The following PEX1 variants were observed in gnomAD, a reference collection of about 807,000 sequenced individuals.
The protein encoded by PEX1 is peroxisomal ATPase PEX1.
A neutral mutation model predicts 152.5 loss-of-function variants in PEX1; 97 were observed. That is an observed-to-expected ratio of 0.64 (90% confidence interval 0.54 to 0.75). PEX1 has a LOEUF of 0.75. PEX1 is among the 30% of genes least tolerant of loss of function. The pLI is 0.00. For synonymous variants in PEX1, 485 were observed against 531.6 expected (o/e 0.91, Z 1.21); for missense variants, 1,357 against 1,516.3 (o/e 0.89, Z 1.74).
Position 92,517,457 on chromosome 7 carries a change from A to G in PEX1, c.1058T>C (p.Leu353Ser). 6.2e-7 allele frequency: 1 copy of G among 1,613,950 alleles called. No individual in the cohort carries two copies. The change falls in exon 5 of 24, where the codon TTA (leucine) becomes TCA (serine). Residue 353 changes from leucine (L) to serine (S), a missense_variant. Physicochemically the swap from Leu to Ser is moderately radical, Grantham distance 145 (BLOSUM62 -2). Transcript: ENST00000248633. ...QQQSKTKQNV[L>S]SPEKEKQMSE... ...CATCTGCTTCTCTTTTTCAGGTGAT[A>G]ACACATTTTGTTTTGTTTTACTTTG...
In PEX1 at chr7:92,517,466, T is replaced by A; in HGVS notation, c.1049A>T (p.Gln350Leu). Residue 350 changes from glutamine to leucine, a missense_variant, in exon 5 of 24, where the codon CAA becomes CTA. By Grantham distance (113) the Gln-to-Leu change is moderately radical. Transcript: ENST00000248633. ...SPKQQQSKTKQNVLSPEKEKQ... is the reference protein window; with the variant it reads ...SPKQQQSKTKLNVLSPEKEKQ... ...CTCTTTTTCAGGTGATAACACATTT[T>A]GTTTTGTTTTACTTTGCTGTTGCTT... 6.2e-7 allele frequency: 1 copy of A among 1,614,066 alleles called. No individual in the cohort carries two copies. Among genetic ancestry groups the A allele is most frequent in the Non-Finnish European group, 8.5e-7 (1 of 1,180,020 alleles).
intron 20 of PEX1, 36 bp downstream of exon 20, chr7:92,492,917 C>T (rs752838837): frequency 6.6e-6 from 10 of 1,513,668 alleles, no homozygotes; most frequent in Non-Finnish European, 9.2e-6. Context: ...TTTTATCACT[C>T]ATAAAATGTC....
At chr7:92,516,055 AAAAAGAAAAGAAAAGAAAAGAAAAG>A (rs58641640) in intron 5 of PEX1, among the ~76,000 whole-genome samples, 13 of 85,750 alleles carry the variant, frequency 1.5e-4, no homozygotes, top group African/African-American at 4.5e-4. Flanking sequence ...AGAGAAGAGA[AAAAAGAAAAGAAAAGAAAAGAAAAG>A]AAAAGAAAAG....
At chr7:92,498,892 C>G (rs1396503268) in intron 16 of PEX1, among the ~76,000 whole-genome samples, 1 of 152,176 alleles carries the variant, frequency 6.6e-6, no homozygotes, top group Non-Finnish European at 1.5e-5. Flanking sequence ...ATGGTTTGCC[C>G]TTTTATCTGA....
intron 3 of PEX1, 28 bp downstream of exon 3, chr7:92,518,967 G>C (rs375379771): frequency 6.9e-7 from 1 of 1,456,194 alleles, no homozygotes; most frequent in Non-Finnish European, 9.6e-7. Flanking sequence ...AACCTTAAAT[G>C]AGATAGTTCT....
intron 16 of PEX1, among the ~76,000 whole-genome samples, chr7:92,499,173 T>A (rs560058021): frequency 5.6e-4 from 86 of 152,280 alleles, no homozygotes; most frequent in African/African-American, 2.0e-3. Flanking sequence ...CTTTGAAAAG[T>A]TAGAGAATTA....
At chr7:92,518,681 T>A (rs911820043) in intron 3 of PEX1, among the ~76,000 whole-genome samples, 1 of 152,224 alleles carries the variant, frequency 6.6e-6, no homozygotes, top group Non-Finnish European at 1.5e-5. Flanking sequence ...GCGATTCTCC[T>A]GCCTCAGCCT....
chr7:92,513,080 C>T (rs370525142), intron 6 of PEX1, among the ~76,000 whole-genome samples: 8 of 152,100 alleles, frequency 5.3e-5, no homozygotes, highest in African/African-American at 1.4e-4. Context: ...ATTACAACCA[C>T]GTGGCAAAAT....
chr7:92,517,976 T>G lies in PEX1; in HGVS notation c.539A>C (p.Lys180Thr), dbSNP rs1288945372. 2 of 1,613,406 alleles carry G rather than the reference T, an allele frequency of 1.2e-6. No individual in the cohort carries two copies. The highest frequency in any genetic ancestry group is 2.2e-5 in the South Asian group (2 of 90,912). ...TGTATTCTCTTTGGCTCGGCGTGTC[T>G]TTGGCTGAATAAGGAGTTTGGTGTC... ...ETDTKLLIQP[K>T]TRRAKENTFS... Residue 180 changes from lysine to threonine, a missense_variant, in exon 5 of 24, where the codon AAG (lysine) becomes ACG (threonine). By Grantham distance (78) the Lys-to-Thr change is moderately conservative (BLOSUM62 -1). Transcript: ENST00000248633.
At position 92,507,026 on chromosome 7, in the gene PEX1, T is replaced by C. The variant is rs1257562540; in HGVS notation, c.1771A>G (p.Arg591Gly). ...CCTGTGAGTAAAAGAGCTCCATTCC[T>C]AAGTCCTGCAACAAGAGACATCAGC... is the stretch of plus-strand genomic sequence containing the variant. Reference protein sequence around the residue: ...RQLMSLVAGLRNGALLLTGGK... With the variant: ...RQLMSLVAGLGNGALLLTGGK... The change falls in exon 10 of 24, where the codon AGG becomes GGG. Residue 591 changes from arginine to glycine, a missense_variant. Coordinates refer to ENST00000248633, the MANE Select transcript of PEX1 (RefSeq NM_000466.3). 3 of 1,613,984 alleles carry C rather than the reference T, an allele frequency of 1.9e-6. No homozygotes were observed. The highest frequency in any genetic ancestry group is 1.7e-6 in the Non-Finnish European group (2 of 1,179,990).
chr7:92,518,391 G>T, intron 3 of PEX1, 136 bp from the exon 4 acceptor site: 1 of 674,340 alleles, frequency 1.5e-6, no homozygotes, highest in Non-Finnish European at 2.7e-6. Context: ...GGTGTTATGA[G>T]CTACATATAG....
chr7:92,518,921 G>A, intron 3 of PEX1, 74 bp downstream of exon 3: 1 of 1,075,890 alleles, frequency 9.3e-7, no homozygotes, highest in South Asian at 1.3e-5. Flanking sequence ...ATAAAGCTTA[G>A]AGAAAGCTAA....
intron 2 of PEX1, among the ~76,000 whole-genome samples, chr7:92,519,573 A>G (rs984807998): frequency 1.3e-5 from 2 of 152,358 alleles, no homozygotes; most frequent in Admixed American, 1.3e-4. Flanking sequence ...AGTAAAAAAT[A>G]TAAGAAGAAA....
chr7:92,498,082 A>C (rs993008424), intron 16 of PEX1, among the ~76,000 whole-genome samples: 12 of 151,676 alleles, frequency 7.9e-5, no homozygotes, highest in Non-Finnish European at 1.3e-4. Context: ...AAAAAAAAAA[A>C]AAAAAAAACT....
chr7:92,509,332 A>G lies in PEX1; in HGVS notation c.1667T>C (p.Leu556Ser). 1.2e-6 allele frequency: 2 copies of G among 1,609,400 alleles called. No individual in the cohort carries two copies. Among genetic ancestry groups the G allele is most frequent in the Non-Finnish European group, 1.7e-6 (2 of 1,176,056 alleles). The change falls in exon 9 of 24, where the codon TTG (leucine) becomes TCG (serine). Residue 556 changes from leucine (L) to serine (S), a missense_variant. Physicochemically the swap from Leu to Ser is moderately radical, Grantham distance 145. Transcript: ENST00000248633. ...FILPFLKLSSLGGVNSLGVSS... is the reference protein window; with the variant it reads ...FILPFLKLSSSGGVNSLGVSS... ...TAGTTTGGCCATAACTTCTTACCCCAAAGAGCTCAGCTTTAAAAAAGGAAG... is the reference window on the plus strand; with the variant it reads ...TAGTTTGGCCATAACTTCTTACCCCGAAGAGCTCAGCTTTAAAAAAGGAAG...
At chr7:92,504,959 GGTT>G in intron 11 of PEX1, 57 bp from the exon 12 acceptor site, 24 of 1,355,064 alleles carry the variant, frequency 1.8e-5, no homozygotes, top group Non-Finnish European at 2.4e-5. Context: ...GGAAAATTCA[GGTT>G]GTCCTTTTGA....
intron 9 of PEX1, chr7:92,507,402 C>T: frequency 2.9e-6 from 1 of 349,614 alleles, no homozygotes; most frequent in Admixed American, 4.2e-5. Flanking sequence ...CCACACCCAG[C>T]TGATTGGGTT....
At chr7:92,527,111 T>C (rs1489493837) in intron 1 of PEX1, among the ~76,000 whole-genome samples, 1 of 152,194 alleles carries the variant, frequency 6.6e-6, no homozygotes, top group Non-Finnish European at 1.5e-5. Context: ...TTCAAAAAGA[T>C]ATGCATGAAT....
chr7:92,499,675 T>TA, intron 16 of PEX1, 29 bp downstream of exon 16: 1 of 1,584,074 alleles, frequency 6.3e-7, no homozygotes, highest in Non-Finnish European at 8.7e-7. Context: ...TTTACCTAAA[T>TA]AAAAAAAGAA....
Sources: allele counts gnomAD v4.1 joint callset (sites outside exome capture counted in the v4.1 genomes callset), GRCh38; gene constraint gnomAD v4.1.1; transcripts MANE v1.5; gene names NCBI Gene and HGNC (gene_info 2026-07-23, HGNC 2026-07-21).